KLHL32: variants seen among roughly 807,000 people sequenced by gnomAD.
The protein encoded by KLHL32 is kelch-like protein 32.
Under a neutral mutation model 64.8 loss-of-function variants are expected in KLHL32, and 35 were observed. The observed-to-expected ratio is 0.54, with a 90% CI of 0.41 to 0.72. KLHL32 has a LOEUF of 0.72. Among genes scored for constraint, KLHL32 ranks in the 30% least tolerant of loss-of-function variants. The pLI is 0.00. For synonymous variants in KLHL32, 259 were observed against 281.0 expected (o/e 0.92, Z 0.78); for missense variants, 589 against 768.5 (o/e 0.77, Z 2.76).
At chr6:96,997,284 T>C (rs1206242083) in intron 3 of KLHL32, among the ~76,000 whole-genome samples, 1 of 152,154 alleles carries the variant, frequency 6.6e-6, no homozygotes, top group Non-Finnish European at 1.5e-5. Flanking sequence ...CTGGCCCACA[T>C]AGACCATCTT....
chr6:97,042,230 G>C (rs1326502556), intron 4 of KLHL32, among the ~76,000 whole-genome samples: 1 of 152,104 alleles, frequency 6.6e-6, no homozygotes, highest in African/African-American at 2.4e-5. Context: ...TTCATCCAAC[G>C]TGGATTTAGT....
chr6:96,989,588 C>T (rs578225461), intron 3 of KLHL32, among the ~76,000 whole-genome samples: 7 of 151,948 alleles, frequency 4.6e-5, no homozygotes, highest in East Asian at 1.9e-4. Context: ...TGGGGATGGT[C>T]GTCTTGTATA....
intron 2 of KLHL32, among the ~76,000 whole-genome samples, chr6:96,968,004 AAG>A (rs889647700): frequency 3.9e-5 from 6 of 152,214 alleles, no homozygotes; most frequent in Admixed American, 2.0e-4. Context: ...AGCAAAGAAT[AAG>A]AGAGATGACA....
the KLHL32 span, among the ~76,000 whole-genome samples, chr6:96,912,066 C>T: frequency 2.0e-5 from 3 of 152,140 alleles, no homozygotes; most frequent in South Asian, 2.1e-4. Flanking sequence ...GCCTTTCAGA[C>T]GTAATGTTCT....
intron 4 of KLHL32, among the ~76,000 whole-genome samples, chr6:97,049,572 C>T (rs555868124): frequency 1.1e-4 from 14 of 132,774 alleles, no homozygotes; most frequent in Non-Finnish European, 1.8e-4. Context: ...AAAGCGAAAC[C>T]GTCGATAACG....
At chr6:97,071,766 G>A (rs1790760680) in intron 5 of KLHL32, among the ~76,000 whole-genome samples, 1 of 152,114 alleles carries the variant, frequency 6.6e-6, no homozygotes, top group South Asian at 2.1e-4. Context: ...TCTCAGATAT[G>A]CTACCTTCTC....
intron 3 of KLHL32, among the ~76,000 whole-genome samples, chr6:97,035,480 A>G (rs181182375): frequency 2.0e-5 from 3 of 152,080 alleles, no homozygotes; most frequent in Admixed American, 2.0e-4. Flanking sequence ...TTTGTTTTCA[A>G]TTTGAAGAAC....
chr6:97,125,057 G>A lies in KLHL32; in HGVS notation c.1355-2347G>A, dbSNP rs772592874. On this transcript the variant is annotated intron_variant, in intron 7 of 10. Coordinates refer to ENST00000369261, the MANE Select transcript of KLHL32 (RefSeq NM_052904.4). Reference sequence around the variant, plus strand: ...GAAATCCAGAGAAGACTTTCTTTGAGGGCAGGAGGCTCATGTCTGTGTTCT... The same window carrying A: ...GAAATCCAGAGAAGACTTTCTTTGAAGGCAGGAGGCTCATGTCTGTGTTCT... 7.2e-5 allele frequency among the ~76,000 whole-genome samples: 11 copies of A among 152,266 alleles called. No individual in the cohort carries two copies. In the South Asian group the frequency reaches 1.0e-3, roughly 14 times the overall value.
intron 3 of KLHL32, among the ~76,000 whole-genome samples, chr6:96,997,775 C>T (rs1778574940): frequency 6.6e-6 from 1 of 152,106 alleles, no homozygotes; most frequent in Admixed American, 6.5e-5. Flanking sequence ...GATCCTCCTG[C>T]TTAAGCCTCT....
intron 2 of KLHL32, among the ~76,000 whole-genome samples, chr6:96,973,062 T>C (rs954055080): frequency 6.6e-6 from 1 of 152,262 alleles, no homozygotes; most frequent in East Asian, 1.9e-4. Context: ...TATTTGTTTC[T>C]GCTTTTAAGG....
intron 3 of KLHL32, among the ~76,000 whole-genome samples, chr6:97,015,929 G>T (rs1460887862): frequency 5.9e-5 from 9 of 152,204 alleles, no homozygotes; most frequent in Admixed American, 5.9e-4. Flanking sequence ...CATTGCTTCA[G>T]AGGGCACAAG....
At position 97,053,886 on chromosome 6, in the gene KLHL32, C is replaced by T. The variant is rs148195183; in HGVS notation, c.313-10742C>T. Among the ~76,000 whole-genome samples, 47 of 152,114 alleles carry T rather than the reference C, an allele frequency of 3.1e-4. 1 individual carries two copies. Among genetic ancestry groups the T allele is most frequent in the Admixed American group, 3.1e-3 (47 of 15,280 alleles). On this transcript the variant is annotated intron_variant, in intron 4 of 10. Coordinates refer to ENST00000369261, the MANE Select transcript of KLHL32 (RefSeq NM_052904.4). ...AGTCTGTGCATATACTACACATACACTACAAAATACATAGACTACACATAA... is the reference window on the plus strand; with the variant it reads ...AGTCTGTGCATATACTACACATACATTACAAAATACATAGACTACACATAA...
intron 4 of KLHL32, among the ~76,000 whole-genome samples, chr6:97,046,417 T>C (rs1302827197): frequency 6.6e-6 from 1 of 152,138 alleles, no homozygotes; most frequent in Non-Finnish European, 1.5e-5. Context: ...TATACTTTGT[T>C]ATACTTTGTT....
At chr6:97,009,331 T>C (rs1195979700) in intron 3 of KLHL32, among the ~76,000 whole-genome samples, 1 of 152,222 alleles carries the variant, frequency 6.6e-6, no homozygotes, top group East Asian at 1.9e-4. Context: ...AATTTAAATG[T>C]TTCTTTTATT....
intron 1 of KLHL32, among the ~76,000 whole-genome samples, chr6:96,954,312 ATTTTTTTT>A (rs71012579): frequency 2.2e-3 from 198 of 89,452 alleles, no homozygotes; most frequent in Middle Eastern, 0.02. Context: ...CTTTCCTTCA[ATTTTTTTT>A]TTTTTTTTTT....
chr6:97,102,630 A>G (rs1449574953), intron 6 of KLHL32, among the ~76,000 whole-genome samples: 2 of 152,168 alleles, frequency 1.3e-5, no homozygotes, highest in Non-Finnish European at 2.9e-5. Context: ...TGGCTCAGAG[A>G]CTATGATCAA....
chr6:96,973,730 C>CTCTTTTTTTTTTTT (rs1554208428), intron 2 of KLHL32, among the ~76,000 whole-genome samples: 14 of 118,252 alleles, frequency 1.2e-4, no homozygotes, highest in African/African-American at 4.6e-4. Flanking sequence ...TACAGATTGC[C>CTCTTTTTTTTTTTT]TTTTTTTTTT....
At chr6:96,898,228 T>G in the KLHL32 span, among the ~76,000 whole-genome samples, 1 of 152,246 alleles carries the variant, frequency 6.6e-6, no homozygotes, top group South Asian at 2.1e-4. Flanking sequence ...AGTGAAGAGC[T>G]GAAAATCAAA....
chr6:96,942,263 C>G (rs1771386805), intron 1 of KLHL32, among the ~76,000 whole-genome samples: 1 of 152,194 alleles, frequency 6.6e-6, no homozygotes, highest in South Asian at 2.1e-4. Flanking sequence ...TGTACTACTG[C>G]TGTCCCCCTC....
Sources: gnomAD v4.1 joint callset for allele counts (sites outside exome capture counted in the v4.1 genomes callset) on GRCh38, gnomAD v4.1.1 for gene constraint, MANE v1.5 for transcripts, NCBI Gene and HGNC (gene_info 2026-07-23, HGNC 2026-07-21) for gene names.